The following RYR2 variants were observed in gnomAD, a reference collection of about 807,000 sequenced individuals.
The protein encoded by RYR2 is ryanodine receptor 2.
In RYR2, 227 loss-of-function variants were observed where a neutral mutation model predicts 601.1. The observed-to-expected ratio is 0.38, with a 90% confidence interval of 0.34 to 0.42. RYR2 has a LOEUF of 0.42. Ranked by LOEUF, RYR2 falls within the 10% of genes least tolerant of loss-of-function variation. The pLI, the probability that RYR2 is intolerant of heterozygous loss-of-function variation, is 1.00. For synonymous variants in RYR2, 2,223 were observed against 2,175.1 expected, an observed-to-expected ratio of 1.02 and a Z score of -0.61; for missense variants, 4,646 against 6,156.5, an observed-to-expected ratio of 0.75 and a Z score of 8.21.
intron 100 of RYR2, among the ~76,000 whole-genome samples, chr1:237,810,789 A>G (rs1416325176): frequency 1.3e-5 from 2 of 152,198 alleles, no homozygotes; most frequent in Non-Finnish European, 2.9e-5. Flanking sequence ...ATGTATACAG[A>G]TATGGAGAGA....
intron 80 of RYR2, among the ~76,000 whole-genome samples, chr1:237,750,858 C>G (rs942827386): frequency 6.6e-6 from 1 of 152,160 alleles, no homozygotes; most frequent in African/African-American, 2.4e-5. Flanking sequence ...CAGATGGTCT[C>G]CAGAAAAATC....
chr1:237,591,886 A>C (rs372144918), intron 32 of RYR2, 33 bp downstream of exon 32: 1 of 1,502,708 alleles, frequency 6.7e-7, no homozygotes, highest in African/African-American at 1.4e-5. Context: ...GTTTATTTCT[A>C]TCTGTCACTC....
intron 29 of RYR2, 59 bp downstream of exon 29, chr1:237,569,378 T>G: frequency 6.6e-7 from 1 of 1,524,746 alleles, no homozygotes; most frequent in Non-Finnish European, 9.0e-7. Context: ...GCTTTCATCC[T>G]GAGGCTTCCT....
chr1:237,760,883 A>C (rs368960125), intron 83 of RYR2, 72 bp from the exon 84 acceptor site: 1 of 899,682 alleles, frequency 1.1e-6, no homozygotes, highest in African/African-American at 1.7e-5. Flanking sequence ...TGGTGTTTAG[A>C]TGTTTGCTCT....
At chr1:237,126,775 A>T (rs1046609555) in intron 1 of RYR2, among the ~76,000 whole-genome samples, 8 of 151,592 alleles carry the variant, frequency 5.3e-5, no homozygotes, top group Non-Finnish European at 8.8e-5. Flanking sequence ...TATTTTTTTT[A>T]TTTATTTATT....
chr1:237,143,972 T>A (rs1452353123), intron 1 of RYR2, among the ~76,000 whole-genome samples: 1 of 151,930 alleles, frequency 6.6e-6, no homozygotes, highest in African/African-American at 2.4e-5. Flanking sequence ...CTACTAAAAA[T>A]ACAAAAATTA....
At chr1:237,758,801 T>G (rs1693170436) in intron 82 of RYR2, among the ~76,000 whole-genome samples, 1 of 152,244 alleles carries the variant, frequency 6.6e-6, no homozygotes, top group Non-Finnish European at 1.5e-5. Context: ...CTTTTACATT[T>G]GAAATCTCTA....
At chr1:237,451,599 T>A (rs992055432) in intron 14 of RYR2, among the ~76,000 whole-genome samples, 12 of 140,114 alleles carry the variant, frequency 8.6e-5, no homozygotes, top group Admixed American at 2.2e-4. Flanking sequence ...AAAAAAAAAA[T>A]TGAAGTCCTG....
At chr1:237,773,960 A>G (rs1015578076) in intron 87 of RYR2, among the ~76,000 whole-genome samples, 1 of 152,206 alleles carries the variant, frequency 6.6e-6, no homozygotes, top group Non-Finnish European at 1.5e-5. Flanking sequence ...ACAACATTTA[A>G]CCATTCTTTC....
rs74570075 is a variant in RYR2, at chr1:237,615,006, T to C, written c.5715+163T>C. ...TAACTTCCTATTCTTTTCCCTCTTATTCATTAGCCATCTCCTCTTGTTTCC... is the reference window on the plus strand; with the variant it reads ...TAACTTCCTATTCTTTTCCCTCTTACTCATTAGCCATCTCCTCTTGTTTCC... On this transcript the variant is annotated intron_variant, in intron 37 of 104. Coordinates refer to ENST00000366574, the MANE Select transcript of RYR2 (RefSeq NM_001035.3). 3.8e-3 allele frequency among the ~76,000 whole-genome samples: 584 copies of C among 152,314 alleles called. 5 individuals carry two copies. Among genetic ancestry groups the C allele is most frequent in the African/African-American group, 0.014 (564 of 41,562 alleles).
In RYR2 at chr1:237,563,429, A is replaced by G. The variant is rs565876457; in HGVS notation, c.3215-3138A>G. Among the ~76,000 whole-genome samples the G allele has an allele frequency of 2.6e-4, 38 of 148,316 alleles. No individual in the cohort carries two copies. The East Asian group carries it at 6.7e-3, about 26-fold the overall frequency. Reference sequence around the variant, plus strand: ...TCCATCTCAAAAAAAAAAAAACACAAACAAATAGGAAAATCCACAGAGATT... The same window carrying G: ...TCCATCTCAAAAAAAAAAAAACACAGACAAATAGGAAAATCCACAGAGATT... On this transcript the variant is annotated intron_variant, in intron 27 of 104. Transcript: ENST00000366574.
chr1:237,210,264 A>C (rs985714811), intron 1 of RYR2, among the ~76,000 whole-genome samples: 2 of 152,212 alleles, frequency 1.3e-5, no homozygotes, highest in African/African-American at 4.8e-5. Context: ...CAGTTATAGT[A>C]CATTTCTCTT....
chr1:237,661,474 A>G, intron 56 of RYR2, among the ~76,000 whole-genome samples: 1 of 152,156 alleles, frequency 6.6e-6, no homozygotes, highest in East Asian at 1.9e-4. Flanking sequence ...CTGCACATGT[A>G]CCCCAGAACT....
At chr1:237,270,714 C>G (rs1283598997) in intron 2 of RYR2, 98 bp downstream of exon 2, 3 of 1,310,214 alleles carry the variant, frequency 2.3e-6, no homozygotes, top group East Asian at 2.5e-5. Context: ...GGAATACATA[C>G]TATATAAATG....
chr1:237,355,414 A>G (rs1044536939), intron 3 of RYR2, among the ~76,000 whole-genome samples: 3 of 152,168 alleles, frequency 2.0e-5, no homozygotes, highest in African/African-American at 7.2e-5. Flanking sequence ...ACTAACATTC[A>G]CTTATAAATA....
chr1:237,101,608 G>A (rs111749972), intron 1 of RYR2, among the ~76,000 whole-genome samples: 2,326 of 152,186 alleles, frequency 0.015, 46 homozygotes, highest in African/African-American at 0.053. Flanking sequence ...AAGTACACAC[G>A]CACATAAGAA....
At chr1:237,060,668 C>T (rs1485014214) in intron 1 of RYR2, among the ~76,000 whole-genome samples, 1 of 152,130 alleles carries the variant, frequency 6.6e-6, no homozygotes, top group Non-Finnish European at 1.5e-5. Context: ...AATGACAATG[C>T]AATATGCACT....
At chr1:237,203,873 A>G (rs1681476912) in intron 1 of RYR2, among the ~76,000 whole-genome samples, 1 of 152,212 alleles carries the variant, frequency 6.6e-6, no homozygotes, top group African/African-American at 2.4e-5. Flanking sequence ...TCCATGGACT[A>G]CACTGTTCAG....
chr1:237,540,430 G>C (rs747424226), intron 25 of RYR2, among the ~76,000 whole-genome samples: 1 of 151,144 alleles, frequency 6.6e-6, no homozygotes, highest in African/African-American at 2.4e-5. Flanking sequence ...TATTAGGGCT[G>C]AGCACGGTGG....
Sources: allele counts gnomAD v4.1 joint callset (sites outside exome capture counted in the v4.1 genomes callset), GRCh38; gene constraint gnomAD v4.1.1; transcripts MANE v1.5; gene names NCBI Gene and HGNC (gene_info 2026-07-23, HGNC 2026-07-21).